The following NCOA2 variants were observed in gnomAD, a reference collection of about 807,000 sequenced individuals.
NCOA2 encodes the protein class E basic helix-loop-helix protein 75.
NCOA2 carries 21 observed loss-of-function variants against 145.1 expected under a neutral mutation model. The ratio of observed to expected loss-of-function variants is 0.14; its 90% confidence interval spans 0.10 to 0.21. NCOA2 has a LOEUF of 0.21. Among genes scored for constraint, NCOA2 ranks in the 10% least tolerant of loss-of-function variants. NCOA2 has a pLI of 1.00. For missense variants in NCOA2, 1,472 were observed against 1,837.6 expected (o/e 0.80, Z 3.64); for synonymous variants, 619 against 637.5 (o/e 0.97, Z 0.44).
In NCOA2 at chr8:70,162,607, G is replaced by A. The variant is rs996047841; in HGVS notation, c.976+104C>T. ...ACTGGGGCCAGATGAGACAGCTCACGAGAACAGTCACCAGCTCTGTTCCCA... is the reference window on the plus strand; with the variant it reads ...ACTGGGGCCAGATGAGACAGCTCACAAGAACAGTCACCAGCTCTGTTCCCA... On this transcript the variant is annotated intron_variant, in intron 9 of 22. Transcript: ENST00000452400. The A allele has an allele frequency of 3.2e-5, 40 of 1,239,584 alleles. No individual in the cohort carries two copies. In the African/African-American group the frequency reaches 3.3e-4, roughly 10 times the overall value. The allele number at this position is 1,239,584 out of a possible 1,614,324, so 76.8% of individuals were successfully genotyped here.
chr8:70,379,683 A>T (rs776979810), intron 1 of NCOA2, among the ~76,000 whole-genome samples: 6 of 152,180 alleles, frequency 3.9e-5, no homozygotes, highest in Non-Finnish European at 7.3e-5. Context: ...CAAAATTTTA[A>T]TATATTACAT....
At chr8:70,297,771 G>A (rs1349690322) in intron 1 of NCOA2, among the ~76,000 whole-genome samples, 1 of 152,190 alleles carries the variant, frequency 6.6e-6, no homozygotes, top group African/African-American at 2.4e-5. Flanking sequence ...CAGAGTCTGT[G>A]TCTTTGTGAA....
At chr8:70,377,477 C>T (rs770331611) in intron 1 of NCOA2, among the ~76,000 whole-genome samples, 5 of 152,062 alleles carry the variant, frequency 3.3e-5, no homozygotes, top group Non-Finnish European at 5.9e-5. Context: ...ATTTAACATT[C>T]TATCTTTAAT....
intron 4 of NCOA2, among the ~76,000 whole-genome samples, chr8:70,211,473 A>G (rs920070874): frequency 6.6e-6 from 1 of 152,108 alleles, no homozygotes; most frequent in African/African-American, 2.4e-5. Context: ...AAGAAAAAAA[A>G]AGAAAAAACA....
rs768007347 is a variant in NCOA2, at chr8:70,305,617, A to G, written c.-76-8817T>C. Among the ~76,000 whole-genome samples the G allele has an allele frequency of 1.6e-3, 248 of 152,294 alleles. 2 individuals are homozygous for G. The highest frequency in any genetic ancestry group is 2.1e-3 in the Non-Finnish European group (142 of 68,016). ...GCCTGCTAGGCAGCACCGACCCACC[A>G]AAACAAAGGATAGCAAGCACCAAAT... On this transcript the variant is annotated intron_variant, in intron 1 of 22. Transcript: ENST00000452400.
chr8:70,233,187 C>T (rs1480436418), intron 2 of NCOA2, among the ~76,000 whole-genome samples: 5 of 151,814 alleles, frequency 3.3e-5, no homozygotes, highest in Non-Finnish European at 4.4e-5. Flanking sequence ...GATCGCACCA[C>T]TACACTCCAG....
At chr8:70,182,406 A>G (rs1048372487) in intron 4 of NCOA2, among the ~76,000 whole-genome samples, 1 of 152,218 alleles carries the variant, frequency 6.6e-6, no homozygotes, top group African/African-American at 2.4e-5. Context: ...CATCAATGGT[A>G]TAAGGCATGA....
intron 19 of NCOA2, 116 bp downstream of exon 19, chr8:70,126,697 A>T: frequency 1.1e-6 from 1 of 893,304 alleles, no homozygotes; most frequent in Non-Finnish European, 1.8e-6. Context: ...TTCCCTGGTT[A>T]GCCAGATTCA....
chr8:70,163,190 C>T (rs1416545368), intron 8 of NCOA2, among the ~76,000 whole-genome samples: 3 of 152,142 alleles, frequency 2.0e-5, no homozygotes, highest in Non-Finnish European at 2.9e-5. Flanking sequence ...GTTGGGGTTA[C>T]AGGTGTGAGC....
At chr8:70,123,100 C>A (rs1231073631) in intron 21 of NCOA2, among the ~76,000 whole-genome samples, 2 of 152,168 alleles carry the variant, frequency 1.3e-5, no homozygotes, top group African/African-American at 4.8e-5. Flanking sequence ...TCCAGGCTGG[C>A]TACTGCTATC....
At chr8:70,372,028 T>A (rs1043225101) in intron 1 of NCOA2, among the ~76,000 whole-genome samples, 2 of 152,290 alleles carry the variant, frequency 1.3e-5, no homozygotes, top group South Asian at 2.1e-4. Flanking sequence ...AAAAATGTTA[T>A]TAGGCTAAAA....
intron 2 of NCOA2, among the ~76,000 whole-genome samples, chr8:70,258,311 T>C (rs979692346): frequency 3.3e-5 from 5 of 152,238 alleles, no homozygotes; most frequent in Non-Finnish European, 7.3e-5. Flanking sequence ...AAAGATCATA[T>C]TCATGTAAAT....
intron 1 of NCOA2, among the ~76,000 whole-genome samples, chr8:70,303,290 T>C (rs188455748): frequency 6.6e-6 from 1 of 152,166 alleles, no homozygotes; most frequent in African/African-American, 2.4e-5. Context: ...GTAAAAACTA[T>C]GTAGAAAAGG....
At chr8:70,292,373 G>T (rs990710450) in intron 2 of NCOA2, among the ~76,000 whole-genome samples, 5 of 151,826 alleles carry the variant, frequency 3.3e-5, no homozygotes, top group East Asian at 2.0e-4. Context: ...GGATGGTCTC[G>T]ATCTCTTGAC....
chr8:70,225,815 A>C (rs1322535416), intron 2 of NCOA2, among the ~76,000 whole-genome samples: 1 of 152,068 alleles, frequency 6.6e-6, no homozygotes, highest in African/African-American at 2.4e-5. Context: ...TCTGGTGTCA[A>C]CTCTGGCTGG....
At chr8:70,149,542 C>G (rs1309696505) in intron 11 of NCOA2, among the ~76,000 whole-genome samples, 1 of 150,468 alleles carries the variant, frequency 6.6e-6, no homozygotes, top group Non-Finnish European at 1.5e-5. Flanking sequence ...TGCCTGTCTA[C>G]AGAAGCCATA....
rs1215412117 is a variant in NCOA2, at chr8:70,123,871, C to G, written c.4293+13G>C. 1.3e-6 allele frequency: 2 copies of G among 1,589,858 alleles called. No homozygotes were observed. The highest frequency in any genetic ancestry group is 1.7e-6 in the Non-Finnish European group (2 of 1,164,436). On this transcript the variant is annotated intron_variant, in intron 21 of 22. Coordinates refer to ENST00000452400, the MANE Select transcript of NCOA2 (RefSeq NM_006540.4). ...ATATGAAGCCACTGGGTTGCTTCTCCTTGGGCACTCACCTGCTCGGGACCC... is the reference window on the plus strand; with the variant it reads ...ATATGAAGCCACTGGGTTGCTTCTCGTTGGGCACTCACCTGCTCGGGACCC...
At position 70,166,611 on chromosome 8, in the gene NCOA2, A is replaced by C; in HGVS notation, c.685T>G (p.Cys229Gly). The change falls in exon 7 of 23, where the codon TGC (cysteine) becomes GGC (glycine). Residue 229 changes from cysteine to glycine, a missense_variant. By Grantham distance (159) the Cys-to-Gly change is radical. Coordinates refer to ENST00000452400, the MANE Select transcript of NCOA2 (RefSeq NM_006540.4). Reference protein sequence around the residue: ...EAHQKYETMQCFAVSQPKSIK... With the variant: ...EAHQKYETMQGFAVSQPKSIK... ...GACTTTGGTTGAGAGACAGCGAAGCACTGCATAGTTTCATATTTCTGATGA... is the reference window on the plus strand; with the variant it reads ...GACTTTGGTTGAGAGACAGCGAAGCCCTGCATAGTTTCATATTTCTGATGA... 6.2e-7 allele frequency: 1 copy of C among 1,614,034 alleles called. No individual in the cohort carries two copies. The highest frequency in any genetic ancestry group is 8.5e-7 in the Non-Finnish European group (1 of 1,179,888).
intron 4 of NCOA2, among the ~76,000 whole-genome samples, chr8:70,187,695 T>C (rs1462292904): frequency 6.6e-6 from 1 of 152,218 alleles, no homozygotes; most frequent in Non-Finnish European, 1.5e-5. Flanking sequence ...ACATGGTAAT[T>C]AAGTTACTCC....
Sources: gnomAD v4.1 joint callset for allele counts (sites outside exome capture counted in the v4.1 genomes callset) on GRCh38, gnomAD v4.1.1 for gene constraint, MANE v1.5 for transcripts, NCBI Gene and HGNC (gene_info 2026-07-23, HGNC 2026-07-21) for gene names.